The following CEP112 variants were observed in gnomAD, a reference collection of about 807,000 sequenced individuals.
CEP112 encodes the protein centrosomal protein of 112 kDa.
Under a neutral mutation model 153.0 loss-of-function variants are expected in CEP112, and 127 were observed. The ratio of observed to expected loss-of-function variants is 0.83; its 90% CI spans 0.72 to 0.96. CEP112 has a LOEUF of 0.96. CEP112 is among the 40% of genes least tolerant of loss of function. The pLI is 0.00. For synonymous variants in CEP112, 358 were observed against 374.4 expected (o/e 0.96, Z 0.51); for missense variants, 1,089 against 1,101.2 (o/e 0.99, Z 0.16).
At chr17:66,100,725 G>A (rs1259724308) in intron 6 of CEP112, among the ~76,000 whole-genome samples, 2 of 151,966 alleles carry the variant, frequency 1.3e-5, no homozygotes, top group Non-Finnish European at 2.9e-5. Context: ...TAAGACCATC[G>A]ACTGAAACAT....
At chr17:66,040,492 T>G (rs1489545278) in intron 12 of CEP112, among the ~76,000 whole-genome samples, 1 of 45,650 alleles carries the variant, frequency 2.2e-5, no homozygotes, top group Non-Finnish European at 4.8e-5. Context: ...TTCCCTTTTT[T>G]TCTTTTTTTT....
At chr17:66,098,873 A>C (rs1018610177) in intron 6 of CEP112, among the ~76,000 whole-genome samples, 1 of 152,206 alleles carries the variant, frequency 6.6e-6, no homozygotes, top group East Asian at 1.9e-4. Context: ...CAGCAGAATT[A>C]GATCCTGAGC....
chr17:65,888,616 A>G (rs544285180), intron 20 of CEP112, among the ~76,000 whole-genome samples: 1 of 152,202 alleles, frequency 6.6e-6, no homozygotes, highest in Non-Finnish European at 1.5e-5. Context: ...GAATGCATTC[A>G]TGAGTTACTT....
intron 19 of CEP112, 37 bp downstream of exon 19, chr17:65,927,545 T>A (rs1381910805): frequency 8.5e-7 from 1 of 1,175,366 alleles, no homozygotes; most frequent in Non-Finnish European, 1.2e-6. Flanking sequence ...ATATGTATTT[T>A]AAAAATTTAA....
intron 10 of CEP112, among the ~76,000 whole-genome samples, chr17:66,063,486 G>A (rs2067000266): frequency 1.3e-5 from 2 of 152,016 alleles, no homozygotes; most frequent in Admixed American, 1.3e-4. Context: ...ATGGACTTTG[G>A]AGATTGAGAA....
intron 6 of CEP112, among the ~76,000 whole-genome samples, chr17:66,117,023 T>A (rs1166261382): frequency 6.6e-6 from 1 of 152,014 alleles, no homozygotes; most frequent in Non-Finnish European, 1.5e-5. Flanking sequence ...CATGTCACCA[T>A]GCCTAGCTAA....
At chr17:66,158,357 A>G (rs1252743485) in intron 4 of CEP112, among the ~76,000 whole-genome samples, 1 of 152,176 alleles carries the variant, frequency 6.6e-6, no homozygotes, top group African/African-American at 2.4e-5. Context: ...TCACACCTGT[A>G]ATCCCAGCAC....
At chr17:65,939,642 G>C (rs2061449653) in intron 18 of CEP112, among the ~76,000 whole-genome samples, 1 of 152,144 alleles carries the variant, frequency 6.6e-6, no homozygotes, top group Admixed American at 6.5e-5. Flanking sequence ...TAGGAGAAAG[G>C]ATGGTCTCTT....
intron 21 of CEP112, among the ~76,000 whole-genome samples, chr17:65,787,973 C>T (rs773829405): frequency 2.0e-5 from 3 of 152,174 alleles, no homozygotes; most frequent in Admixed American, 6.5e-5. Flanking sequence ...CAGTGATTAA[C>T]GGGCACCCTT....
intron 21 of CEP112, among the ~76,000 whole-genome samples, chr17:65,798,358 A>G (rs1275788958): frequency 6.6e-6 from 1 of 152,186 alleles, no homozygotes; most frequent in Admixed American, 6.6e-5. Flanking sequence ...GGGAAAGGCT[A>G]GCTGGCTGGC....
intron 19 of CEP112, among the ~76,000 whole-genome samples, chr17:65,915,451 C>T (rs1370679267): frequency 1.3e-5 from 2 of 151,998 alleles, no homozygotes; most frequent in Non-Finnish European, 2.9e-5. Context: ...CTGCCTCCAT[C>T]GTAATCAAAG....
chr17:65,930,720 T>C (rs1370966048), intron 18 of CEP112, among the ~76,000 whole-genome samples: 2 of 152,258 alleles, frequency 1.3e-5, no homozygotes, highest in East Asian at 1.9e-4. Flanking sequence ...GCTTTTCATA[T>C]TGGACCTCAA....
At chr17:66,130,297 G>A (rs1037082934) in intron 5 of CEP112, among the ~76,000 whole-genome samples, 2 of 152,048 alleles carry the variant, frequency 1.3e-5, no homozygotes, top group African/African-American at 4.8e-5. Flanking sequence ...TTTAATTGTG[G>A]TATACCACAG....
intron 4 of CEP112, among the ~76,000 whole-genome samples, chr17:66,155,576 A>G (rs1427280107): frequency 6.6e-6 from 1 of 152,010 alleles, no homozygotes; most frequent in Non-Finnish European, 1.5e-5. Context: ...AGGGGGCTGA[A>G]GCCAGGGAGC....
At chr17:65,909,898 G>C (rs1308863701) in intron 19 of CEP112, among the ~76,000 whole-genome samples, 1 of 152,116 alleles carries the variant, frequency 6.6e-6, no homozygotes, top group Non-Finnish European at 1.5e-5. Flanking sequence ...CAGTTTTAGA[G>C]AAAAATGAAC....
At chr17:66,150,654 G>A (rs2146679790) in intron 4 of CEP112, among the ~76,000 whole-genome samples, 1 of 152,284 alleles carries the variant, frequency 6.6e-6, no homozygotes. Flanking sequence ...TGGAGTATGT[G>A]CATTCTACAG....
At chr17:66,047,341 T>G (rs2066254881) in intron 12 of CEP112, among the ~76,000 whole-genome samples, 1 of 152,200 alleles carries the variant, frequency 6.6e-6, no homozygotes, top group African/African-American at 2.4e-5. Flanking sequence ...GGTCTCGAAC[T>G]CCTGACCTCA....
chr17:65,860,041 T>C (rs538835389), intron 20 of CEP112, among the ~76,000 whole-genome samples: 159 of 149,214 alleles, frequency 1.1e-3, no homozygotes, highest in Non-Finnish European at 3.3e-4. Context: ...CAAAAACCTA[T>C]CTTTAATCAT....
At chr17:65,727,464 G>A (rs2050245818) in intron 23 of CEP112, among the ~76,000 whole-genome samples, 1 of 152,210 alleles carries the variant, frequency 6.6e-6, no homozygotes, top group Admixed American at 6.5e-5. Context: ...TATCGGCTGA[G>A]AGGAGGCTGT....
Sources: allele counts gnomAD v4.1 joint callset (sites outside exome capture counted in the v4.1 genomes callset), GRCh38; gene constraint gnomAD v4.1.1; transcripts MANE v1.5; gene names NCBI Gene and HGNC (gene_info 2026-07-23, HGNC 2026-07-21).